Variants in PLPPR1 observed in about 807,000 individuals in gnomAD.
The protein encoded by PLPPR1 is phospholipid phosphatase-related protein type 1.
PLPPR1 carries 10 observed loss-of-function variants against 33.1 expected under a neutral mutation model. That is an observed-to-expected ratio of 0.30 (90% CI 0.19 to 0.51). The LOEUF is 0.51. PLPPR1 is among the 20% of genes least tolerant of loss of function. PLPPR1 has a pLI of 0.97. For missense variants in PLPPR1, 304 were observed against 408.1 expected, an observed-to-expected ratio of 0.74 and a Z score of 2.20; for synonymous variants, 151 against 151.0, an observed-to-expected ratio of 1.00 and a Z score of 0.00.
intron 1 of PLPPR1, among the ~76,000 whole-genome samples, chr9:101,048,607 G>C (rs549717852): frequency 5.3e-5 from 8 of 152,294 alleles, no homozygotes; most frequent in African/African-American, 1.9e-4. Flanking sequence ...TTTTACTTTA[G>C]GTAAAGTATA....
chr9:101,280,012 G>A (rs1326066570), intron 3 of PLPPR1, among the ~76,000 whole-genome samples: 1 of 152,080 alleles, frequency 6.6e-6, no homozygotes, highest in East Asian at 1.9e-4. Context: ...TAAATGAAAA[G>A]TTGGTTTTTT....
intron 1 of PLPPR1, among the ~76,000 whole-genome samples, chr9:101,051,787 G>A (rs961367692): frequency 1.3e-5 from 2 of 152,180 alleles, no homozygotes; most frequent in Admixed American, 1.3e-4. Flanking sequence ...TAGAGATACA[G>A]AGCAAGTGTA....
chr9:101,236,594 A>G (rs1827304600), intron 2 of PLPPR1, among the ~76,000 whole-genome samples: 1 of 151,472 alleles, frequency 6.6e-6, no homozygotes, highest in South Asian at 2.1e-4. Context: ...CACTTGAAAA[A>G]ATGACCATCT....
At chr9:101,295,356 C>T (rs577475380) in intron 4 of PLPPR1, among the ~76,000 whole-genome samples, 19 of 145,240 alleles carry the variant, frequency 1.3e-4, no homozygotes, top group South Asian at 8.8e-4. Flanking sequence ...GAATCAATAT[C>T]GTGAAAATGG....
At chr9:101,296,855 G>A (rs1283854210) in intron 4 of PLPPR1, among the ~76,000 whole-genome samples, 3 of 151,926 alleles carry the variant, frequency 2.0e-5, no homozygotes, top group Admixed American at 2.0e-4. Flanking sequence ...TAAATGACGA[G>A]TTAATGGGTG....
At position 101,085,209 on chromosome 9, in the gene PLPPR1, G is replaced by A. The variant is rs76123762; in HGVS notation, c.-46+56107G>A. 6.9e-3 allele frequency among the ~76,000 whole-genome samples: 1,047 copies of A among 152,206 alleles called. 13 individuals are homozygous for A. Among genetic ancestry groups the A allele is most frequent in the African/African-American group, 0.024 (1,011 of 41,520 alleles). On this transcript the variant is annotated intron_variant, in intron 1 of 7. Transcript: ENST00000374874. ...GGAGGGGGTGAAAAAGAGTCCAGAT[G>A]GCATTCATATCCCTGGCCCCAGTTG... is the stretch of plus-strand genomic sequence containing the variant.
intron 1 of PLPPR1, among the ~76,000 whole-genome samples, chr9:101,106,278 G>A (rs1241747750): frequency 8.8e-5 from 12 of 136,314 alleles, no homozygotes; most frequent in South Asian, 2.7e-4. Flanking sequence ...ATTTTGCAGC[G>A]GCTGGTACCG....
At chr9:101,076,168 ACT>A (rs1474946443) in intron 1 of PLPPR1, among the ~76,000 whole-genome samples, 1 of 151,802 alleles carries the variant, frequency 6.6e-6, no homozygotes, top group African/African-American at 2.4e-5. Context: ...TGAATCAGAC[ACT>A]CTGGGGTGGG....
chr9:101,272,673 G>A (rs1329077), intron 3 of PLPPR1, among the ~76,000 whole-genome samples: 60,243 of 152,064 alleles, frequency 0.4, 11,942 homozygotes, highest in Middle Eastern at 0.43. Context: ...TCAATAGACT[G>A]TGTGCATATA....
At chr9:101,174,276 GATTTTT>G (rs1197134552) in intron 1 of PLPPR1, among the ~76,000 whole-genome samples, 2 of 152,166 alleles carry the variant, frequency 1.3e-5, no homozygotes, top group African/African-American at 4.8e-5. Context: ...TAGCTTTTTA[GATTTTT>G]ATTTTAGTGA....
At chr9:101,083,158 T>G (rs1167058232) in intron 1 of PLPPR1, among the ~76,000 whole-genome samples, 1 of 152,100 alleles carries the variant, frequency 6.6e-6, no homozygotes, top group Non-Finnish European at 1.5e-5. Flanking sequence ...CTCTCTAGAA[T>G]TTTTGTTTTC....
intron 4 of PLPPR1, among the ~76,000 whole-genome samples, chr9:101,296,824 A>G (rs866439723): frequency 1.3e-5 from 2 of 150,170 alleles, no homozygotes; most frequent in Admixed American, 6.6e-5. Context: ...GAGGGATAGC[A>G]TTAGGAGATA....
At chr9:101,223,366 T>C (rs549522680) in intron 2 of PLPPR1, among the ~76,000 whole-genome samples, 1 of 150,558 alleles carries the variant, frequency 6.6e-6, no homozygotes, top group African/African-American at 2.4e-5. Context: ...GGGGAAATCG[T>C]GCTATATTTT....
At chr9:101,244,371 C>T (rs1329160668) in intron 2 of PLPPR1, among the ~76,000 whole-genome samples, 2 of 151,704 alleles carry the variant, frequency 1.3e-5, no homozygotes, top group Admixed American at 1.3e-4. Flanking sequence ...ATTCAAGATT[C>T]AGAAAGACGA....
At chr9:101,113,496 C>G (rs540360469) in intron 1 of PLPPR1, among the ~76,000 whole-genome samples, 12 of 152,222 alleles carry the variant, frequency 7.9e-5, no homozygotes, top group Non-Finnish European at 1.6e-4. Flanking sequence ...TTCCCAAGAT[C>G]TTTGCAAACC....
intron 3 of PLPPR1, among the ~76,000 whole-genome samples, chr9:101,277,855 T>C (rs1377643514): frequency 1.3e-5 from 2 of 152,182 alleles, no homozygotes; most frequent in Non-Finnish European, 2.9e-5. Flanking sequence ...ATAGGACATA[T>C]ATATATGCTT....
intron 3 of PLPPR1, among the ~76,000 whole-genome samples, chr9:101,275,866 G>A (rs1430372789): frequency 6.6e-6 from 1 of 152,148 alleles, no homozygotes; most frequent in Non-Finnish European, 1.5e-5. Flanking sequence ...GTGCGCGCAT[G>A]CATTACAAGA....
intron 1 of PLPPR1, among the ~76,000 whole-genome samples, chr9:101,140,023 T>C (rs2118629686): frequency 6.6e-6 from 1 of 152,212 alleles, no homozygotes; most frequent in East Asian, 1.9e-4. Flanking sequence ...TGCCACAAAT[T>C]GCCATTCGAT....
intron 1 of PLPPR1, among the ~76,000 whole-genome samples, chr9:101,119,109 G>C (rs1268163559): frequency 1.3e-5 from 2 of 152,168 alleles, no homozygotes; most frequent in African/African-American, 4.8e-5. Flanking sequence ...CTTTCTGAGA[G>C]TATTTTTCTA....
Sources: allele counts gnomAD v4.1 joint callset (sites outside exome capture counted in the v4.1 genomes callset), GRCh38; gene constraint gnomAD v4.1.1; transcripts MANE v1.5; gene names NCBI Gene and HGNC (gene_info 2026-07-23, HGNC 2026-07-21).